The following SOX5 variants were observed in gnomAD, a reference collection of about 807,000 sequenced individuals.
SOX5 encodes SRY-box transcription factor 5.
A neutral mutation model predicts 92.0 loss-of-function variants in SOX5; 9 were observed. The observed-to-expected ratio is 0.10, with a 90% CI of 0.06 to 0.17. SOX5 has a LOEUF of 0.17. Ranked by LOEUF, SOX5 falls within the 10% of genes least tolerant of loss-of-function variation. The probability of loss-of-function intolerance (pLI) is 1.00; values close to 1 mark genes in which losing one functional copy is unlikely to be tolerated. For synonymous variants in SOX5, 344 were observed against 336.3 expected, an observed-to-expected ratio of 1.02 and a Z score of -0.25; for missense variants, 642 against 944.5, an observed-to-expected ratio of 0.68 and a Z score of 4.20.
At chr12:23,667,100 AAG>A (rs2083939249) in intron 6 of SOX5, among the ~76,000 whole-genome samples, 2 of 152,072 alleles carry the variant, frequency 1.3e-5, no homozygotes, top group South Asian at 2.1e-4. Context: ...GGGAGGGTGA[AAG>A]AGAAGGCAAT....
At chr12:23,696,193 T>G (rs561709572) in intron 6 of SOX5, among the ~76,000 whole-genome samples, 1 of 152,056 alleles carries the variant, frequency 6.6e-6, no homozygotes, top group Non-Finnish European at 1.5e-5. Context: ...AAAGTTTGTA[T>G]AAAATTGGCA....
intron 8 of SOX5, among the ~76,000 whole-genome samples, chr12:23,612,294 C>G (rs1404374422): frequency 6.6e-6 from 1 of 151,716 alleles, no homozygotes; most frequent in Non-Finnish European, 1.5e-5. Flanking sequence ...TCATATAATC[C>G]AAGTCAGGTC....
At chr12:24,424,557 C>A (rs9651822) in intron 1 of SOX5, among the ~76,000 whole-genome samples, 1 of 152,084 alleles carries the variant, frequency 6.6e-6, no homozygotes, top group African/African-American at 2.4e-5. Context: ...GTCTTCCCCC[C>A]ACCCCCCAAG....
At chr12:24,361,272 T>C (rs1043311280) in intron 2 of SOX5, among the ~76,000 whole-genome samples, 2 of 152,166 alleles carry the variant, frequency 1.3e-5, no homozygotes, top group African/African-American at 4.8e-5. Flanking sequence ...ATTCTTCTCA[T>C]ACATGAAACA....
At chr12:23,595,818 C>T (rs951098886) in intron 9 of SOX5, among the ~76,000 whole-genome samples, 16 of 152,042 alleles carry the variant, frequency 1.1e-4, no homozygotes, top group Admixed American at 2.0e-4. Context: ...CTGTTGGGTA[C>T]AATGCAAGCT....
chr12:24,277,822 C>T (rs1944673604), intron 2 of SOX5, among the ~76,000 whole-genome samples: 1 of 151,918 alleles, frequency 6.6e-6, no homozygotes, highest in African/African-American at 2.4e-5. Context: ...TCTTTGAGCC[C>T]ATTTAAACAT....
intron 6 of SOX5, among the ~76,000 whole-genome samples, chr12:23,687,578 T>C (rs1348952506): frequency 6.6e-6 from 1 of 152,062 alleles, no homozygotes; most frequent in Non-Finnish European, 1.5e-5. Flanking sequence ...AATCTGAACC[T>C]ATATTTTCAG....
chr12:24,387,898 A>G lies in SOX5; in HGVS notation c.-250-19259T>C, dbSNP rs532650970. Among the ~76,000 whole-genome samples the G allele has an allele frequency of 3.9e-5, 6 of 152,232 alleles. No individual in the cohort carries two copies. In the East Asian group the frequency reaches 1.2e-3, roughly 29 times the overall value. ...GTTGAATCCCAACTGAGCAGCTCAT[A>G]CTCAGAATATTCCCTCTGCTTTCTC... On this transcript the variant is annotated intron_variant, in intron 1 of 4. Coordinates refer to the SOX5 transcript ENST00000446891.
intron 1 of SOX5, among the ~76,000 whole-genome samples, chr12:24,449,044 T>G (rs1427482433): frequency 6.6e-6 from 1 of 152,076 alleles, no homozygotes; most frequent in East Asian, 1.9e-4. Flanking sequence ...TCTACTTCTC[T>G]CCATCACAAC....
chr12:23,715,627 T>C (rs2092431530), intron 6 of SOX5, among the ~76,000 whole-genome samples: 1 of 152,074 alleles, frequency 6.6e-6, no homozygotes, highest in African/African-American at 2.4e-5. Flanking sequence ...ATCCACTAAA[T>C]ACAGCTATGC....
intron 10 of SOX5, among the ~76,000 whole-genome samples, chr12:23,564,263 T>C (rs762168525): frequency 1.3e-5 from 2 of 152,238 alleles, no homozygotes; most frequent in Non-Finnish European, 2.9e-5. Context: ...ATTTATTTGA[T>C]GCATATTAGT....
chr12:23,610,059 A>G (rs937037565), intron 8 of SOX5, among the ~76,000 whole-genome samples: 71 of 148,796 alleles, frequency 4.8e-4, no homozygotes, highest in African/African-American at 1.7e-3. Context: ...CTATTTTGGG[A>G]AAAAAAATAG....
intron 1 of SOX5, among the ~76,000 whole-genome samples, chr12:24,443,219 C>T (rs553014163): frequency 1.3e-5 from 2 of 152,146 alleles, no homozygotes; most frequent in Non-Finnish European, 2.9e-5. Context: ...TTCCAAAGTG[C>T]TAGGATCACA....
intron 10 of SOX5, among the ~76,000 whole-genome samples, chr12:23,565,956 A>C (rs1438808739): frequency 2.0e-5 from 3 of 151,970 alleles, no homozygotes; most frequent in Non-Finnish European, 4.4e-5. Flanking sequence ...GCAAGGCTGA[A>C]CTCTCACCTT....
At chr12:24,073,274 T>C (rs1360253759) in intron 4 of SOX5, among the ~76,000 whole-genome samples, 1 of 152,074 alleles carries the variant, frequency 6.6e-6, no homozygotes, top group Non-Finnish European at 1.5e-5. Flanking sequence ...TGAGCTCAAA[T>C]CCAATCTGCT....
chr12:23,576,815 C>A (rs1027830252), intron 9 of SOX5, among the ~76,000 whole-genome samples: 4 of 151,858 alleles, frequency 2.6e-5, no homozygotes, highest in African/African-American at 9.7e-5. Context: ...TTGTTCCTTT[C>A]GTGTGCTCTA....
chr12:24,062,492 T>C (rs1569529212), intron 4 of SOX5, among the ~76,000 whole-genome samples: 1 of 152,206 alleles, frequency 6.6e-6, no homozygotes, highest in Non-Finnish European at 1.5e-5. Flanking sequence ...TGAAGGAATA[T>C]ATTACAGTGT....
intron 4 of SOX5, among the ~76,000 whole-genome samples, chr12:24,008,155 G>C (rs1428327428): frequency 6.6e-6 from 1 of 152,052 alleles, no homozygotes; most frequent in Middle Eastern, 3.4e-3. Context: ...CAAAACATTC[G>C]AGATAACGAG....
intron 1 of SOX5, among the ~76,000 whole-genome samples, chr12:23,896,666 A>T (rs1391905219): frequency 6.6e-6 from 1 of 151,628 alleles, no homozygotes; most frequent in African/African-American, 2.4e-5. Flanking sequence ...CATCTCCCCA[A>T]ATTACCCAAT....
Sources: gnomAD v4.1 joint callset for allele counts (sites outside exome capture counted in the v4.1 genomes callset) on GRCh38, gnomAD v4.1.1 for gene constraint, MANE v1.5 for transcripts, NCBI Gene and HGNC (gene_info 2026-07-23, HGNC 2026-07-21) for gene names.